Variants in DRD2 observed in about 807,000 individuals in gnomAD.
DRD2 encodes the protein D(2) dopamine receptor.
A neutral mutation model predicts 38.0 loss-of-function variants in DRD2; 8 were observed. The observed-to-expected ratio is 0.21, with a 90% CI of 0.12 to 0.38. The LOEUF (loss-of-function observed/expected upper bound fraction) is 0.38. Ranked by LOEUF, DRD2 falls within the 10% of genes least tolerant of loss-of-function variation. The pLI is 1.00. For synonymous variants in DRD2, 230 were observed against 238.6 expected (o/e 0.96, Z 0.33); for missense variants, 403 against 607.7 (o/e 0.66, Z 3.54).
intron 1 of DRD2, among the ~76,000 whole-genome samples, chr11:113,440,904 G>A (rs777974463): frequency 1.6e-4 from 25 of 152,334 alleles, no homozygotes; most frequent in Non-Finnish European, 2.6e-4. Context: ...TTCTGAGCCT[G>A]TCATGGCAAA....
intron 1 of DRD2, among the ~76,000 whole-genome samples, chr11:113,443,131 A>T (rs1273102231): frequency 6.6e-6 from 1 of 152,110 alleles, no homozygotes; most frequent in African/African-American, 2.4e-5. Context: ...GCTTATTTGT[A>T]TGCTTGGGTT....
At position 113,424,399 on chromosome 11, in the gene DRD2, T is replaced by C; in HGVS notation, c.253A>G (p.Thr85Ala). 1 of 1,614,178 alleles carries C rather than the reference T, an allele frequency of 6.2e-7. No individual in the cohort carries two copies. The highest frequency in any genetic ancestry group is 2.2e-5 in the East Asian group (1 of 44,880). ...SLAVADLLVA[T>A]LVMPWVVYLE... The stretch of plus-strand genomic sequence containing the variant: ...TAGACAACCCAGGGCATGACCAGTG[T>C]GGCGACGAGGAGGTCGGCCACTGCG... The change falls in exon 2 of 8, where the codon ACA becomes GCA. Residue 85 changes from threonine to alanine, a missense_variant. This residue lies in a region of DRD2 where 162 missense variants were observed against 254.5 expected (regional missense o/e 0.64). Transcript: ENST00000362072.
intron 1 of DRD2, among the ~76,000 whole-genome samples, chr11:113,438,305 CA>C (rs1359956667): frequency 1.3e-5 from 2 of 152,076 alleles, no homozygotes; most frequent in East Asian, 3.8e-4. Context: ...TCATCTGTAA[CA>C]TGGGGGCAAT....
chr11:113,410,895 G>A lies in DRD2; in HGVS notation c.1164C>T (p.Pro388=). 1 of 1,611,302 alleles carries A rather than the reference G, an allele frequency of 6.2e-7. No homozygotes were observed. Among genetic ancestry groups the A allele is most frequent in the Non-Finnish European group, 8.5e-7 (1 of 1,177,572 alleles). ...TGTTCAGGATGTGTGTGATGAAGAA[G>A]GGCAGCCAGCAGATGATGAACACGC... ...VLGVFIICWL[P]FFITHILNIH... Residue 388 remains proline, a synonymous_variant, in exon 8 of 8, where the codon CCC becomes CCT. Transcript: ENST00000362072.
intron 3 of DRD2, among the ~76,000 whole-genome samples, chr11:113,417,799 T>C (rs1261779150): frequency 3.3e-5 from 5 of 152,198 alleles, no homozygotes; most frequent in Non-Finnish European, 7.4e-5. Flanking sequence ...ACTGTCTGAG[T>C]ATGCTTGGCA....
At chr11:113,460,396 T>C (rs1951306457) in intron 1 of DRD2, among the ~76,000 whole-genome samples, 1 of 152,180 alleles carries the variant, frequency 6.6e-6, no homozygotes, top group South Asian at 2.1e-4. Context: ...AGAATCTGGG[T>C]TCTGCCTCAA....
chr11:113,473,853 A>G (rs917328607), intron 1 of DRD2, among the ~76,000 whole-genome samples: 6 of 152,228 alleles, frequency 3.9e-5, no homozygotes, highest in Non-Finnish European at 8.8e-5. Context: ...ATGCTGCAGG[A>G]TGAATCAGAG....
At chr11:113,449,200 C>A (rs942197890) in intron 1 of DRD2, among the ~76,000 whole-genome samples, 6 of 152,130 alleles carry the variant, frequency 3.9e-5, no homozygotes, top group African/African-American at 1.4e-4. Context: ...TCCCCATTCC[C>A]AACTGTCCAA....
chr11:113,420,703 GA>G (rs1467949426), intron 2 of DRD2, among the ~76,000 whole-genome samples: 4 of 152,226 alleles, frequency 2.6e-5, no homozygotes, highest in African/African-American at 9.7e-5. Flanking sequence ...CTTATCAAGA[GA>G]GGAGATAATT....
intron 1 of DRD2, chr11:113,474,140 G>T (rs1204776487): frequency 6.6e-6 from 1 of 152,290 alleles, no homozygotes; most frequent in Non-Finnish European, 1.5e-5. Flanking sequence ...CCTTGTGGCT[G>T]AGAGCAAGCG....
intron 1 of DRD2, among the ~76,000 whole-genome samples, chr11:113,462,604 C>T (rs1018946840): frequency 7.2e-5 from 11 of 152,174 alleles, no homozygotes; most frequent in Non-Finnish European, 1.0e-4. Context: ...GGAAGCATGG[C>T]CATGCAGGAA....
intron 1 of DRD2, among the ~76,000 whole-genome samples, chr11:113,433,796 C>T (rs1421559346): frequency 2.0e-5 from 3 of 152,142 alleles, no homozygotes; most frequent in South Asian, 2.1e-4. Flanking sequence ...GTTGGCAACC[C>T]GGGTCGCCTG....
Position 113,450,086 on chromosome 11 carries a change from G to C in DRD2, c.-32+24990C>G, listed in dbSNP as rs1049123166. Reference sequence around the variant, plus strand: ...ACAAGTGAAGTAGTGGGAGGTGGCTGGTAAACTGGAGAGAATGGGATCCTT... The same window carrying C: ...ACAAGTGAAGTAGTGGGAGGTGGCTCGTAAACTGGAGAGAATGGGATCCTT... On this transcript the variant is annotated intron_variant, in intron 1 of 7. Coordinates refer to ENST00000362072, the MANE Select transcript of DRD2 (RefSeq NM_000795.4). 3 of 154,678 alleles carry C rather than the reference G, an allele frequency of 1.9e-5. No individual in the cohort carries two copies. The Admixed American group carries it at 2.0e-4, about 10-fold the overall frequency. The allele number at this position is 154,678 out of a possible 1,614,324, so 9.6% of individuals were successfully genotyped here.
At chr11:113,413,826 C>G in intron 6 of DRD2, 1 of 225,978 alleles carries the variant, frequency 4.4e-6, no homozygotes, top group South Asian at 6.9e-5. Flanking sequence ...TCTATGTACA[C>G]AAACTGCTCC....
At chr11:113,434,182 T>A (rs1311005567) in intron 1 of DRD2, among the ~76,000 whole-genome samples, 3 of 152,250 alleles carry the variant, frequency 2.0e-5, no homozygotes, top group Non-Finnish European at 4.4e-5. Flanking sequence ...ACAGGTGTAA[T>A]GAAGTCAGTA....
chr11:113,437,107 A>T (rs1218188134), intron 1 of DRD2, among the ~76,000 whole-genome samples: 1 of 152,196 alleles, frequency 6.6e-6, no homozygotes, highest in East Asian at 1.9e-4. Flanking sequence ...CTTTAATGAC[A>T]AATAGAACAG....
chr11:113,455,057 T>C (rs1951255569), intron 1 of DRD2, among the ~76,000 whole-genome samples: 1 of 152,136 alleles, frequency 6.6e-6, no homozygotes, highest in Non-Finnish European at 1.5e-5. Flanking sequence ...AGCTATAAGA[T>C]GTTGATCTGG....
intron 1 of DRD2, among the ~76,000 whole-genome samples, chr11:113,432,932 G>A (rs143933116): frequency 2.6e-5 from 4 of 152,354 alleles, no homozygotes; most frequent in East Asian, 1.9e-4. Flanking sequence ...TTCTCTGGCC[G>A]AGGAGGCAAC....
At chr11:113,416,179 G>A (rs533217874) in intron 4 of DRD2, among the ~76,000 whole-genome samples, 41 of 152,312 alleles carry the variant, frequency 2.7e-4, no homozygotes, top group African/African-American at 9.6e-4. Context: ...TAGAATTCCT[G>A]TGATGCTTAT....
Sources: gnomAD v4.1 joint callset for allele counts (sites outside exome capture counted in the v4.1 genomes callset) on GRCh38, gnomAD v4.1.1 for gene constraint, gnomAD v4.1.1 regional missense constraint, MANE v1.5 for transcripts, NCBI Gene and HGNC (gene_info 2026-07-23, HGNC 2026-07-21) for gene names.